The following NEBL variants were observed in gnomAD, a reference collection of about 807,000 sequenced individuals.
NEBL encodes the protein nebulette, also known as LIM and SH3 protein 2.
NEBL carries 122 observed loss-of-function variants against 140.2 expected under a neutral mutation model. That is an observed-to-expected ratio of 0.87 (90% CI 0.75 to 1.01). The LOEUF (loss-of-function observed/expected upper bound fraction) is 1.01, where lower values mean the gene tolerates loss of function less well. Among genes scored for constraint, NEBL ranks in the 50% least tolerant of loss-of-function variants. The pLI is 0.00. For missense variants in NEBL, 1,365 were observed against 1,231.3 expected, an observed-to-expected ratio of 1.11 and a Z score of -1.62; for synonymous variants, 436 against 398.9, an observed-to-expected ratio of 1.09 and a Z score of -1.11.
intron 2 of NEBL, among the ~76,000 whole-genome samples, chr10:21,165,729 G>A (rs913423134): frequency 4.6e-5 from 7 of 152,140 alleles, no homozygotes; most frequent in African/African-American, 1.7e-4. Context: ...AGGGTGGTGT[G>A]GGCTCTTACT....
At chr10:21,143,448 C>CAAAAAAAAA (rs72021692) in intron 2 of NEBL, among the ~76,000 whole-genome samples, 3 of 66,468 alleles carry the variant, frequency 4.5e-5, no homozygotes, top group African/African-American at 1.7e-4. Context: ...AACTTCATCT[C>CAAAAAAAAA]AAAAAAAAAA....
intron 2 of NEBL, among the ~76,000 whole-genome samples, chr10:21,109,308 T>C (rs1837864208): frequency 6.6e-6 from 1 of 152,206 alleles, no homozygotes; most frequent in African/African-American, 2.4e-5. Context: ...TGTTTATTGA[T>C]TTGCGTATGT....
intron 4 of NEBL, among the ~76,000 whole-genome samples, chr10:20,909,344 C>T (rs1391689282): frequency 6.6e-6 from 1 of 151,852 alleles, no homozygotes; most frequent in Non-Finnish European, 1.5e-5. Context: ...TCTCTATGTC[C>T]ATGAGCTCAA....
chr10:21,231,266 G>A (rs111334396), intron 3 of NEBL, among the ~76,000 whole-genome samples: 6,140 of 152,192 alleles, frequency 0.04, 191 homozygotes, highest in South Asian at 0.14. Context: ...AAGGCTGGGC[G>A]CAGTGGCTCA....
intron 1 of NEBL, among the ~76,000 whole-genome samples, chr10:21,271,755 G>A (rs1325236606): frequency 1.3e-5 from 2 of 151,206 alleles, no homozygotes; most frequent in African/African-American, 2.4e-5. Flanking sequence ...TGAGCTCCTC[G>A]CCTCAAGTGA....
chr10:20,914,407 T>C lies in NEBL; in HGVS notation c.357+47265A>G, dbSNP rs958755885. 1.6e-4 allele frequency among the ~76,000 whole-genome samples: 24 copies of C among 152,228 alleles called. 1 individual carries two copies. Among genetic ancestry groups the C allele is most frequent in the African/African-American group, 5.8e-4 (24 of 41,464 alleles). The stretch of plus-strand genomic sequence containing the variant: ...TCCAGCCTTACTTACTGCAAAGGTT[T>C]TCTATGAGATTACCCTCTATGTTTC... On this transcript the variant is annotated intron_variant, in intron 4 of 6. Transcript: ENST00000417816.
At chr10:21,066,927 A>G (rs1415909236) in intron 2 of NEBL, among the ~76,000 whole-genome samples, 1 of 151,854 alleles carries the variant, frequency 6.6e-6, no homozygotes, top group Admixed American at 6.6e-5. Flanking sequence ...AATACTTAGG[A>G]CACAAAAGAT....
intron 3 of NEBL, among the ~76,000 whole-genome samples, chr10:20,980,540 T>G (rs186750550): frequency 6.6e-6 from 1 of 152,268 alleles, no homozygotes; most frequent in Non-Finnish European, 1.5e-5. Flanking sequence ...GCGTGCATGG[T>G]ACAAACAGTG....
chr10:20,932,846 G>T (rs1245911803), intron 4 of NEBL, among the ~76,000 whole-genome samples: 1 of 152,128 alleles, frequency 6.6e-6, no homozygotes, highest in African/African-American at 2.4e-5. Flanking sequence ...CTAACTTTGG[G>T]GACTTATCCC....
intron 3 of NEBL, among the ~76,000 whole-genome samples, chr10:21,016,681 T>G (rs1391907724): frequency 2.6e-5 from 4 of 152,166 alleles, no homozygotes; most frequent in Non-Finnish European, 5.9e-5. Context: ...TCACAAATGA[T>G]CAAAACAAGC....
intron 4 of NEBL, among the ~76,000 whole-genome samples, chr10:20,930,025 G>A (rs553976124): frequency 3.0e-4 from 45 of 152,200 alleles, no homozygotes; most frequent in Non-Finnish European, 6.2e-4. Flanking sequence ...TCATTCCAGG[G>A]TTGTAAATGC....
chr10:21,040,404 A>G (rs891824753), intron 2 of NEBL, among the ~76,000 whole-genome samples: 1 of 152,194 alleles, frequency 6.6e-6, no homozygotes, highest in Non-Finnish European at 1.5e-5. Flanking sequence ...GGTGCATGGC[A>G]CCAGCATCTG....
chr10:20,796,743 T>C (rs1836584031), intron 26 of NEBL, among the ~76,000 whole-genome samples: 1 of 152,230 alleles, frequency 6.6e-6, no homozygotes, highest in Non-Finnish European at 1.5e-5. Context: ...TCTCATTTTA[T>C]CTCTCTTAGG....
At chr10:21,079,698 T>C (rs1836280597) in intron 2 of NEBL, among the ~76,000 whole-genome samples, 1 of 152,212 alleles carries the variant, frequency 6.6e-6, no homozygotes. Flanking sequence ...ACACACAGAT[T>C]GAGCTGCATA....
At chr10:20,917,102 GT>G (rs1833338447) in intron 4 of NEBL, among the ~76,000 whole-genome samples, 1 of 152,174 alleles carries the variant, frequency 6.6e-6, no homozygotes. Flanking sequence ...ACTAGACCTG[GT>G]TTAGCCTACT....
chr10:21,100,387 G>A (rs1002172523), intron 2 of NEBL, among the ~76,000 whole-genome samples: 3 of 152,194 alleles, frequency 2.0e-5, no homozygotes, highest in African/African-American at 7.2e-5. Flanking sequence ...CGCAAACTCT[G>A]CTCCATTGTC....
chr10:21,166,090 G>C (rs1840749206), intron 2 of NEBL, among the ~76,000 whole-genome samples: 1 of 151,550 alleles, frequency 6.6e-6, no homozygotes, highest in South Asian at 2.1e-4. Flanking sequence ...CCTGGTGGCG[G>C]GCGCCTGAAG....
At chr10:20,849,451 C>T (rs1256595643) in intron 11 of NEBL, among the ~76,000 whole-genome samples, 1 of 152,120 alleles carries the variant, frequency 6.6e-6, no homozygotes, top group Non-Finnish European at 1.5e-5. Context: ...GGGGTGGGAA[C>T]TCTAAGAGGT....
At chr10:20,910,505 GA>G (rs1848283964) in intron 4 of NEBL, among the ~76,000 whole-genome samples, 1 of 152,194 alleles carries the variant, frequency 6.6e-6, no homozygotes. Context: ...ACTAAGGACA[GA>G]AGAGATGTGA....
Sources: allele counts gnomAD v4.1 joint callset (sites outside exome capture counted in the v4.1 genomes callset), GRCh38; gene constraint gnomAD v4.1.1; transcripts MANE v1.5; gene names NCBI Gene and HGNC (gene_info 2026-07-23, HGNC 2026-07-21).